The following AP1S3 variants were observed in gnomAD, a reference collection of about 807,000 sequenced individuals.
The protein encoded by AP1S3 is AP-1 complex subunit sigma-3.
AP1S3 carries 10 observed loss-of-function variants against 20.9 expected under a neutral mutation model. The observed-to-expected ratio is 0.48, with a 90% confidence interval of 0.29 to 0.81. The LOEUF (loss-of-function observed/expected upper bound fraction) is 0.81. Ranked by LOEUF, AP1S3 falls within the 30% of genes least tolerant of loss-of-function variation. The pLI is 0.08. For missense variants in AP1S3, 154 were observed against 183.8 expected (o/e 0.84, Z 0.94); for synonymous variants, 41 against 61.5 (o/e 0.67, Z 1.56).
chr2:223,786,224 G>A (rs1010837), intron 1 of AP1S3, among the ~76,000 whole-genome samples: 13,643 of 152,220 alleles, frequency 0.09, 919 homozygotes, highest in East Asian at 0.25. Context: ...AACAATCATA[G>A]GTAAGGATCA....
intron 1 of AP1S3, 132 bp from the exon 2 acceptor site, chr2:223,778,001 T>C (rs769535449): frequency 5.3e-5 from 39 of 737,574 alleles, no homozygotes; most frequent in Non-Finnish European, 7.8e-5. Context: ...CTTACCAGCA[T>C]GAAAACTATC....
chr2:223,801,852 T>C (rs969313321), intron 1 of AP1S3, among the ~76,000 whole-genome samples: 10 of 152,084 alleles, frequency 6.6e-5, no homozygotes, highest in African/African-American at 2.4e-4. Context: ...TTACAGAGAC[T>C]AAGAAGAAAT....
chr2:223,789,242 A>G (rs887294791), intron 1 of AP1S3, among the ~76,000 whole-genome samples: 6 of 152,182 alleles, frequency 3.9e-5, no homozygotes. Flanking sequence ...TGGTTAAAAG[A>G]TGAAGTTCCT....
In AP1S3 at chr2:223,815,210, G is replaced by GA. The variant is rs201491745; in HGVS notation, c.3+22237dup. 1.3e-3 allele frequency among the ~76,000 whole-genome samples: 193 copies of GA among 152,296 alleles called. 2 individuals carry two copies. The highest frequency in any genetic ancestry group is 9.1e-3 in the Admixed American group (139 of 15,286). ...TGTCAATGTGCCATAAACCATGTTGGAAAAATCTTTGAGTACTTTTTGGCA... is the reference window on the plus strand; with the variant it reads ...TGTCAATGTGCCATAAACCATGTTGGAAAAAATCTTTGAGTACTTTTTGGCA... On this transcript the variant is annotated intron_variant, in intron 1 of 4. Coordinates refer to ENST00000396654, the MANE Select transcript of AP1S3 (RefSeq NM_001039569.2).
chr2:223,815,075 C>CA (rs1306950407), intron 1 of AP1S3, among the ~76,000 whole-genome samples: 1 of 152,206 alleles, frequency 6.6e-6, no homozygotes, highest in Non-Finnish European at 1.5e-5. Context: ...CACCTGGCCC[C>CA]AATCTTTATT....
At chr2:223,818,100 G>A (rs979565769) in intron 1 of AP1S3, among the ~76,000 whole-genome samples, 2 of 150,864 alleles carry the variant, frequency 1.3e-5, no homozygotes, top group Non-Finnish European at 1.5e-5. Flanking sequence ...GGTATCAAAT[G>A]CAGCTTGGAT....
intron 1 of AP1S3, among the ~76,000 whole-genome samples, chr2:223,826,373 A>C (rs1692128594): frequency 6.6e-6 from 1 of 152,092 alleles, no homozygotes; most frequent in African/African-American, 2.4e-5. Context: ...CGGGCAGATC[A>C]CTTGAGGTCA....
intron 1 of AP1S3, among the ~76,000 whole-genome samples, chr2:223,779,597 A>T (rs1015617909): frequency 6.6e-6 from 1 of 152,140 alleles, no homozygotes; most frequent in Admixed American, 6.5e-5. Context: ...GCATTGTTTC[A>T]GTTGTGTCAT....
rs78536455 is a variant in AP1S3 at position 223,777,778 on chromosome 2, G to A, written c.95C>T (p.Thr32Ile). The change falls in exon 2 of 5, where the codon ACC (threonine) becomes ATC (isoleucine). Residue 32 changes from threonine (T) to isoleucine (I), a missense_variant. Physicochemically the swap from Thr to Ile is moderately conservative, Grantham distance 89. Coordinates refer to ENST00000396654, the MANE Select transcript of AP1S3 (RefSeq NM_001039569.2). ...TLPDKERKKI[T>I]REIVQIILSR... ...GAGAATAATCTGAACAATTTCCCGG[G>A]TGATCTTCTTCCTCTCTTTATCAGG... The A allele has an allele frequency of 5.2e-3, 8,321 of 1,614,086 alleles. 25 individuals are homozygous for A. The highest frequency in any genetic ancestry group is 6.4e-3 in the Non-Finnish European group (7,577 of 1,179,978).
At chr2:223,816,024 C>A (rs1320831563) in intron 1 of AP1S3, among the ~76,000 whole-genome samples, 1 of 152,180 alleles carries the variant, frequency 6.6e-6, no homozygotes, top group Non-Finnish European at 1.5e-5. Flanking sequence ...GTGGGAGGAT[C>A]ATTTGAGCCT....
At chr2:223,772,926 T>C (rs1219903705) in intron 3 of AP1S3, among the ~76,000 whole-genome samples, 1 of 152,232 alleles carries the variant, frequency 6.6e-6, no homozygotes, top group African/African-American at 2.4e-5. Flanking sequence ...GAACTTCTAC[T>C]GGGCATATAG....
intron 4 of AP1S3, among the ~76,000 whole-genome samples, chr2:223,764,083 T>G (rs1690422569): frequency 6.6e-6 from 1 of 152,016 alleles, no homozygotes; most frequent in Admixed American, 6.6e-5. Context: ...CATGCCCGGC[T>G]AATTTTTGTG....
rs538973243 is a variant in AP1S3, at chr2:223,821,655, C to G, written c.3+15793G>C. 1.7e-4 allele frequency among the ~76,000 whole-genome samples: 26 copies of G among 152,234 alleles called. 1 individual carries two copies. In the South Asian group the frequency reaches 4.3e-3, roughly 25 times the overall value. On this transcript the variant is annotated intron_variant, in intron 1 of 4. Transcript: ENST00000396654. Reference sequence around the variant, plus strand: ...TCGTGAGCAATGCAGCCACGTGCCCCCTATGTGCATGGCTGTTGGCCCCTC... The same window carrying G: ...TCGTGAGCAATGCAGCCACGTGCCCGCTATGTGCATGGCTGTTGGCCCCTC...
At chr2:223,794,969 T>C (rs1287146604) in intron 1 of AP1S3, among the ~76,000 whole-genome samples, 1 of 152,204 alleles carries the variant, frequency 6.6e-6, no homozygotes, top group Non-Finnish European at 1.5e-5. Flanking sequence ...AAAAAGGCCA[T>C]CTGCAGGCCA....
chr2:223,767,071 T>C lies in AP1S3; in HGVS notation c.292-1721A>G, dbSNP rs569229805. 6.6e-5 allele frequency among the ~76,000 whole-genome samples: 10 copies of C among 151,834 alleles called. No homozygotes were observed. In the South Asian group the frequency reaches 2.1e-3, roughly 32 times the overall value. On this transcript the variant is annotated intron_variant, in intron 3 of 4. Transcript: ENST00000396654. ...GTGTGTTGGGGGGTGGGGGGCAAAA[T>C]ACCTAATGTAGATGGCAGGTTGATG...
intron 1 of AP1S3, among the ~76,000 whole-genome samples, chr2:223,803,486 T>C (rs1691512810): frequency 6.6e-6 from 1 of 152,208 alleles, no homozygotes; most frequent in Non-Finnish European, 1.5e-5. Flanking sequence ...GTAAAGGTGA[T>C]GTACTCAACG....
chr2:223,774,360 C>T (rs905549659), intron 3 of AP1S3, among the ~76,000 whole-genome samples: 61 of 146,984 alleles, frequency 4.2e-4, no homozygotes, highest in Non-Finnish European at 7.8e-4. Flanking sequence ...AACAAAACTC[C>T]GTCTCAATAA....
Position 223,819,931 on chromosome 2 carries a change from TAAA to T in AP1S3, c.3+17514_3+17516del, listed in dbSNP as rs35505776. On this transcript the variant is annotated intron_variant, in intron 1 of 4. Transcript: ENST00000396654. ...AATGGGATTTAAAAGCTAGTTATGT[TAAA>T]AAAAAAAATCTTAATGTAACACTTG... 4.0e-4 allele frequency among the ~76,000 whole-genome samples: 60 copies of T among 151,094 alleles called. 1 individual carries two copies. The highest frequency in any genetic ancestry group is 1.3e-3 in the African/African-American group (55 of 41,378).
chr2:223,806,551 T>C (rs1217193110), intron 1 of AP1S3, among the ~76,000 whole-genome samples: 1 of 152,186 alleles, frequency 6.6e-6, no homozygotes, highest in African/African-American at 2.4e-5. Flanking sequence ...CCCAAAGTGC[T>C]GGGATTACAG....
Sources: gnomAD v4.1 joint callset for allele counts (sites outside exome capture counted in the v4.1 genomes callset) on GRCh38, gnomAD v4.1.1 for gene constraint, MANE v1.5 for transcripts, NCBI Gene and HGNC (gene_info 2026-07-23, HGNC 2026-07-21) for gene names.